The following CAT variants were observed in gnomAD, a reference collection of about 807,000 sequenced individuals.
CAT encodes catalase.
In CAT, 43 loss-of-function variants were observed where a neutral mutation model predicts 59.0. That is an observed-to-expected ratio of 0.73 (90% CI 0.57 to 0.94). The LOEUF (loss-of-function observed/expected upper bound fraction) is 0.94, where lower values mean the gene tolerates loss of function less well. Ranked by LOEUF, CAT falls within the 40% of genes least tolerant of loss-of-function variation. CAT has a pLI of 0.00. For missense variants in CAT, 664 were observed against 682.9 expected (o/e 0.97, Z 0.31); for synonymous variants, 218 against 230.9 (o/e 0.94, Z 0.51).
intron 1 of CAT, 28 bp downstream of exon 1, chr11:34,439,107 C>T (rs773430994): frequency 5.8e-6 from 9 of 1,561,940 alleles, no homozygotes; most frequent in Non-Finnish European, 6.9e-6. Flanking sequence ...CGAGCGGGCC[C>T]GAAGGTCCGT....
intron 12 of CAT, 23 bp downstream of exon 12, chr11:34,471,064 A>G (rs373947540): frequency 1.2e-6 from 2 of 1,601,226 alleles, no homozygotes; most frequent in East Asian, 2.2e-5. Context: ...CAGCCTGGCC[A>G]TGCAGAGGCT....
At chr11:34,449,070 A>G in intron 1 of CAT, 122 bp from the exon 2 acceptor site, 1 of 868,826 alleles carries the variant, frequency 1.2e-6, no homozygotes, top group Non-Finnish European at 1.9e-6. Context: ...AGTACTTTGG[A>G]CACAGGAAAT....
intron 1 of CAT, among the ~76,000 whole-genome samples, chr11:34,445,230 C>T (rs1371200771): frequency 6.6e-6 from 1 of 152,012 alleles, no homozygotes; most frequent in Non-Finnish European, 1.5e-5. Flanking sequence ...TGGCTCACGC[C>T]TATAATCCCA....
intron 9 of CAT, 26 bp from the exon 10 acceptor site, chr11:34,464,079 T>G: frequency 6.2e-7 from 1 of 1,613,972 alleles, no homozygotes. Context: ...TATTCCTAAG[T>G]GCATCTGGGT....
rs1337694095 is a variant in CAT at position 34,471,006 on chromosome 11, G to C, written c.1483G>C (p.Ala495Pro). The stretch of plus-strand genomic sequence containing the variant: ...CCCTGACTACGGGAGCCACATCCAG[G>C]CTCTTCTGGACAAGTACAATGCTGA... Reference protein sequence around the residue: ...VHPDYGSHIQALLDKYNAEKP... With the variant: ...VHPDYGSHIQPLLDKYNAEKP... Residue 495 changes from alanine (A) to proline (P), a missense_variant, in exon 12 of 13, where the codon GCT becomes CCT. Transcript: ENST00000241052. 1 of 1,614,166 alleles carries C rather than the reference G, an allele frequency of 6.2e-7. No individual in the cohort carries two copies. The highest frequency in any genetic ancestry group is 8.5e-7 in the Non-Finnish European group (1 of 1,180,012).
In CAT at chr11:34,452,191, T is replaced by C; in HGVS notation, c.464T>C (p.Ile155Thr). 6.2e-7 allele frequency: 1 copy of C among 1,613,836 alleles called. No homozygotes were observed. ...GGAAATAACACCCCCATTTTCTTCATCAGGGATCCCATATTGGTAGGTAAT... is the reference window on the plus strand; with the variant it reads ...GGAAATAACACCCCCATTTTCTTCACCAGGGATCCCATATTGGTAGGTAAT... ...LVGNNTPIFF[I>T]RDPILFPSFI... is the part of the protein sequence containing the mutation. Residue 155 changes from isoleucine to threonine, a missense_variant, in exon 4 of 13, where the codon ATC (isoleucine) becomes ACC (threonine). By Grantham distance (89) the Ile-to-Thr change is moderately conservative. Coordinates refer to ENST00000241052, the MANE Select transcript of CAT (RefSeq NM_001752.4).
intron 2 of CAT, 65 bp downstream of exon 2, chr11:34,449,428 C>T: frequency 6.9e-7 from 1 of 1,439,020 alleles, no homozygotes; most frequent in Non-Finnish European, 9.8e-7. Context: ...GTGTTATTTC[C>T]CAAAGGATTG....
chr11:34,466,505 C>T (rs185156333), intron 10 of CAT, among the ~76,000 whole-genome samples: 190 of 152,182 alleles, frequency 1.2e-3, no homozygotes, highest in Non-Finnish European at 1.3e-3. Context: ...GGGCTGGGCG[C>T]GGTGGCTCAC....
In CAT at chr11:34,439,099, A is replaced by G; in HGVS notation, c.66+20A>G. On this transcript the variant is annotated intron_variant, in intron 1 of 12. Coordinates refer to ENST00000241052, the MANE Select transcript of CAT (RefSeq NM_001752.4). ...GCGCAGGTACACTCTGTGCTCCCCG[A>G]GCGGGCCCGAAGGTCCGTTTAGAAA... 1 of 1,569,866 alleles carries G rather than the reference A, an allele frequency of 6.4e-7. No homozygotes were observed. Among genetic ancestry groups the G allele is most frequent in the Non-Finnish European group, 8.6e-7 (1 of 1,157,208 alleles).
At position 34,456,060 on chromosome 11, in the gene CAT, C is replaced by A. The variant is rs201097281; in HGVS notation, c.761C>A (p.Ser254Tyr). ...TCTGTTGAAGATGCGGCGAGACTTT[C>A]CCAGGAAGATCCTGACTATGGCATC... ...NLSVEDAARL[S>Y]QEDPDYGIRD... The change falls in exon 7 of 13, where the codon TCC becomes TAC. Residue 254 changes from serine (S) to tyrosine (Y), a missense_variant. Physicochemically the swap from Ser to Tyr is moderately radical, Grantham distance 144. Coordinates refer to ENST00000241052, the MANE Select transcript of CAT (RefSeq NM_001752.4). The A allele has an allele frequency of 8.7e-6, 14 of 1,614,058 alleles. No homozygotes were observed. Among genetic ancestry groups the A allele is most frequent in the Admixed American group, 6.7e-5 (4 of 60,000 alleles).
At chr11:34,446,797 A>G (rs1281925187) in intron 1 of CAT, among the ~76,000 whole-genome samples, 1 of 151,284 alleles carries the variant, frequency 6.6e-6, no homozygotes, top group South Asian at 2.1e-4. Flanking sequence ...GCTGGAGTGC[A>G]ATGGCACGAT....
In CAT at chr11:34,471,638, T is replaced by TA. The variant is rs368595989; in HGVS notation, c.*215dup. ...TGAAGGTTAGGATTTAACAGTCATTTAAAAAAAAAATTTGTTTTGACGGAT... is the reference window on the plus strand; with the variant it reads ...TGAAGGTTAGGATTTAACAGTCATTTAAAAAAAAAAATTTGTTTTGACGGAT... On this transcript the variant is annotated 3_prime_UTR_variant, in exon 13 of 13. Transcript: ENST00000241052. The TA allele has an allele frequency of 1.5e-3, 803 of 544,172 alleles. No individual in the cohort carries two copies. The highest frequency in any genetic ancestry group is 2.0e-3 in the Middle Eastern group (4 of 2,022). 33.7% of individuals were successfully genotyped at this position (544,172 alleles called of 1,614,324 possible).
intron 2 of CAT, among the ~76,000 whole-genome samples, chr11:34,449,567 T>C (rs1462531137): frequency 6.6e-6 from 1 of 152,224 alleles, no homozygotes; most frequent in Non-Finnish European, 1.5e-5. Context: ...ATAGTTTCTT[T>C]TAAAAATAGC....
chr11:34,450,807 A>G (rs1299987899), intron 2 of CAT, among the ~76,000 whole-genome samples, 181 bp from the exon 3 acceptor site: 1 of 152,210 alleles, frequency 6.6e-6, no homozygotes, highest in East Asian at 1.9e-4. Context: ...ATGATAGAAT[A>G]GGGCTTTGCA....
chr11:34,452,273 G>C (rs1349837420), intron 4 of CAT, 66 bp downstream of exon 4: 8 of 1,490,510 alleles, frequency 5.4e-6, no homozygotes, highest in Non-Finnish European at 7.5e-6. Flanking sequence ...AAATAGGTTG[G>C]CATTTGAGGA....
intron 10 of CAT, 139 bp from the exon 11 acceptor site, chr11:34,468,149 A>G: frequency 2.8e-6 from 2 of 721,678 alleles, no homozygotes; most frequent in Non-Finnish European, 4.9e-6. Context: ...GAAGGACACA[A>G]CCCAAATTTA....
chr11:34,457,564 A>G (rs1365605142), intron 8 of CAT, among the ~76,000 whole-genome samples: 1 of 152,118 alleles, frequency 6.6e-6, no homozygotes, highest in East Asian at 1.9e-4. Context: ...AGATCTAGGG[A>G]TGATCTTTAT....
intron 8 of CAT, among the ~76,000 whole-genome samples, chr11:34,458,472 T>A (rs539636602): frequency 6.6e-6 from 1 of 152,256 alleles, no homozygotes; most frequent in South Asian, 2.1e-4. Context: ...GTCAGGCAGT[T>A]CTCAGAGGAA....
intron 9 of CAT, among the ~76,000 whole-genome samples, chr11:34,463,751 A>G (rs1188264468): frequency 1.3e-5 from 2 of 152,208 alleles, no homozygotes; most frequent in Non-Finnish European, 2.9e-5. Context: ...TTTGAGCCTC[A>G]TCCCTATATG....
Sources: allele counts gnomAD v4.1 joint callset (sites outside exome capture counted in the v4.1 genomes callset), GRCh38; gene constraint gnomAD v4.1.1; transcripts MANE v1.5; gene names NCBI Gene and HGNC (gene_info 2026-07-23, HGNC 2026-07-21).